Variants in MCTS1 observed in about 807,000 individuals in gnomAD.
MCTS1 encodes MCTS1 re-initiation and release factor, also known as malignant T-cell-amplified sequence 1.
For synonymous variants in MCTS1, 26 were observed against 40.8 expected (o/e 0.64, Z 1.38); for missense variants, 55 against 128.6 (o/e 0.43, Z 2.77).
chrX:120,618,109 T>G lies in MCTS1; in HGVS notation c.*5845T>G, dbSNP rs1421494964. On this transcript the variant is annotated 3_prime_UTR_variant, in exon 6 of 6. Transcript: ENST00000371317. ...GAAACTTGCAAACCAATAAGATGAT[T>G]TAATGATGAAACGGCATGTCAGTTT... Among the ~76,000 whole-genome samples, 2 of 112,665 alleles carry G rather than the reference T, an allele frequency of 1.8e-5. No individual in the cohort carries two copies. Among genetic ancestry groups the G allele is most frequent in the Non-Finnish European group, 1.9e-5 (1 of 53,377 alleles).
At chrX:120,606,236 A>G in intron 3 of MCTS1, 60 bp downstream of exon 3, 1 of 673,428 alleles carries the variant, frequency 1.5e-6, no homozygotes, top group Non-Finnish European at 2.2e-6. Flanking sequence ...TTCAAATGTA[A>G]AGTCTTGTAA....
Position 120,612,705 on chromosome X carries a change from G to A in MCTS1, c.*441G>A, listed in dbSNP as rs974559532. Among the ~76,000 whole-genome samples the A allele has an allele frequency of 4.7e-5, 5 of 107,399 alleles. No homozygotes were observed. The highest frequency in any genetic ancestry group is 6.8e-5 in the African/African-American group (2 of 29,487). 93.3% of individuals were successfully genotyped at this position (107,399 alleles called of 115,157 possible). ...TGTGTGTATGTGTGTGTGTGTGTGTGTGTGTGTTTTGTTGATTGTTTTTTT... is the reference window on the plus strand; with the variant it reads ...TGTGTGTATGTGTGTGTGTGTGTGTATGTGTGTTTTGTTGATTGTTTTTTT... On this transcript the variant is annotated 3_prime_UTR_variant, in exon 6 of 6. Coordinates refer to ENST00000371317, the MANE Select transcript of MCTS1 (RefSeq NM_014060.3).
chrX:120,604,138 C>T lies in MCTS1; in HGVS notation c.-99C>T, dbSNP rs1262741745. On this transcript the variant is annotated 5_prime_UTR_variant, in exon 1 of 6. Transcript: ENST00000371317. ...ACGACTACAGCTCCGACTGTCAGTGCCGGCCTTCCTCGTGTGAGGGGATCT... is the reference window on the plus strand; with the variant it reads ...ACGACTACAGCTCCGACTGTCAGTGTCGGCCTTCCTCGTGTGAGGGGATCT... The T allele has an allele frequency of 5.8e-6, 6 of 1,037,130 alleles. No individual in the cohort carries two copies. The highest frequency in any genetic ancestry group is 4.7e-5 in the Admixed American group (2 of 42,693). The allele number at this position is 1,037,130 out of a possible 1,213,427, so 85.5% of individuals were successfully genotyped here. A position where few individuals can be genotyped will look rare whatever the true frequency, so the allele number is the denominator to read the frequency against.
At position 120,612,168 on chromosome X, in the gene MCTS1, T is replaced by C; in HGVS notation, c.465-15T>C. 1 of 1,155,009 alleles carries C rather than the reference T, an allele frequency of 8.7e-7. No homozygotes were observed. Among genetic ancestry groups the C allele is most frequent in the Non-Finnish European group, 1.2e-6 (1 of 847,725 alleles). On this transcript the variant is annotated splice_polypyrimidine_tract_variant and intron_variant, in intron 5 of 5. Coordinates refer to ENST00000371317, the MANE Select transcript of MCTS1 (RefSeq NM_014060.3). ...TGCATAAAAGTATGTTTATGTGTTT[T>C]TTTTCCTTCTACAGTGAGAAAGTCA...
rs1926861621 is a variant in MCTS1, at chrX:120,616,583, G to A, written c.*4319G>A. 9.0e-6 allele frequency among the ~76,000 whole-genome samples: 1 copy of A among 111,678 alleles called. No individual in the cohort carries two copies. The highest frequency in any genetic ancestry group is 9.6e-5 in the Admixed American group (1 of 10,412). On this transcript the variant is annotated 3_prime_UTR_variant, in exon 6 of 6. Transcript: ENST00000371317. The stretch of plus-strand genomic sequence containing the variant: ...GTTCATCTGTCTGTTTAAGAGTCTG[G>A]CCTTAGGGAATATAATTTATGCATG...
rs2147379029 is a variant in MCTS1 at position 120,618,749 on chromosome X, G to A, written c.*6485G>A. Reference sequence around the variant, plus strand: ...GCTAAAATGTTTGGACATTTATCCTGCATTTATTTTGTGTTTCACAAGGTT... The same window carrying A: ...GCTAAAATGTTTGGACATTTATCCTACATTTATTTTGTGTTTCACAAGGTT... On this transcript the variant is annotated 3_prime_UTR_variant, in exon 6 of 6. Transcript: ENST00000371317. Among the ~76,000 whole-genome samples, 1 of 112,345 alleles carries A rather than the reference G, an allele frequency of 8.9e-6. No homozygotes were observed. Among genetic ancestry groups the A allele is most frequent in the East Asian group, 2.8e-4 (1 of 3,608 alleles).
chrX:120,608,973 C>T (rs185194166), intron 4 of MCTS1, among the ~76,000 whole-genome samples: 4 of 111,749 alleles, frequency 3.6e-5, no homozygotes, highest in African/African-American at 1.3e-4. Flanking sequence ...CCTTAAAGAT[C>T]GATTCAACTC....
chrX:120,620,245 T>G lies in MCTS1; in HGVS notation c.*7981T>G, dbSNP rs1167035616. ...GTGGCATGAACCCGGGAGGCGGAGC[T>G]TGCAGTGAGCTGAGATCGCACCACT... On this transcript the variant is annotated 3_prime_UTR_variant, in exon 6 of 6. Transcript: ENST00000371317. Among the ~76,000 whole-genome samples, 1 of 109,602 alleles carries G rather than the reference T, an allele frequency of 9.1e-6. No individual in the cohort carries two copies. The highest frequency in any genetic ancestry group is 1.9e-5 in the Non-Finnish European group (1 of 52,666).
chrX:120,604,680 G>A, intron 1 of MCTS1: 1 of 1,043,850 alleles, frequency 9.6e-7, no homozygotes, highest in Non-Finnish European at 1.2e-6. Context: ...AGGAGTCTGG[G>A]TGACAGGAAG....
At chrX:120,605,288 A>G (rs775319388) in intron 1 of MCTS1, 119 bp from the exon 2 acceptor site, 50 of 625,664 alleles carry the variant, frequency 8.0e-5, no homozygotes, top group Non-Finnish European at 1.1e-4. Flanking sequence ...AATTTATTTC[A>G]TAATTAAGTA....
intron 1 of MCTS1, 97 bp from the exon 2 acceptor site, chrX:120,605,310 G>T: frequency 1.4e-6 from 1 of 736,581 alleles, no homozygotes; most frequent in South Asian, 3.3e-5. Flanking sequence ...CTAAATACTT[G>T]GTTGGGAATA....
intron 2 of MCTS1, 31 bp downstream of exon 2, chrX:120,605,590 C>T (rs760404100): frequency 8.6e-7 from 1 of 1,160,338 alleles, no homozygotes. Flanking sequence ...GTGTAAAGCT[C>T]GGTATAGCTG....
chrX:120,604,787 A>T (rs1345166121), intron 1 of MCTS1: 4 of 1,128,402 alleles, frequency 3.5e-6, no homozygotes, highest in Non-Finnish European at 4.7e-6. Context: ...GAAGACAAAA[A>T]TTCCTTGGGA....
chrX:120,612,145 C>T (rs1926701506), intron 5 of MCTS1, 38 bp from the exon 6 acceptor site: 1 of 985,369 alleles, frequency 1.0e-6, no homozygotes, highest in African/African-American at 1.9e-5. Context: ...TATAAAAATG[C>T]ATAAAAGTAT....
chrX:120,608,151 C>G (rs995021794), intron 3 of MCTS1, 74 bp from the exon 4 acceptor site: 35 of 779,633 alleles, frequency 4.5e-5, no homozygotes, highest in Non-Finnish European at 6.2e-5. Context: ...TGGGGAAATA[C>G]TGTTCAGATC....
At chrX:120,607,051 C>T (rs1406198107) in intron 3 of MCTS1, among the ~76,000 whole-genome samples, 1 of 105,315 alleles carries the variant, frequency 9.5e-6, no homozygotes, top group African/African-American at 3.5e-5. Flanking sequence ...AAAGCATTGA[C>T]TAAGTGTCCT....
Position 120,612,628 on chromosome X carries a change from A to C in MCTS1, c.*364A>C, listed in dbSNP as rs1034927136. ...GAAACTAGACTAGGAATTTTATTCTATTACTCCAGGGGACCCAGCAGTGCT... is the reference window on the plus strand; with the variant it reads ...GAAACTAGACTAGGAATTTTATTCTCTTACTCCAGGGGACCCAGCAGTGCT... On this transcript the variant is annotated 3_prime_UTR_variant, in exon 6 of 6. Transcript: ENST00000371317. 3 of 143,965 alleles carry C rather than the reference A, an allele frequency of 2.1e-5. No homozygotes were observed. The highest frequency in any genetic ancestry group is 8.7e-5 in the Admixed American group (1 of 11,508). The allele number at this position is 143,965 out of a possible 1,213,427, so 11.9% of individuals were successfully genotyped here.
chrX:120,608,383 T>G, intron 4 of MCTS1, 25 bp downstream of exon 4: 1 of 1,158,298 alleles, frequency 8.6e-7, no homozygotes. Flanking sequence ...CTAAAACTGC[T>G]GAAAAATGTA....
chrX:120,614,208 G>A lies in MCTS1; in HGVS notation c.*1944G>A, dbSNP rs1407949228. On this transcript the variant is annotated 3_prime_UTR_variant, in exon 6 of 6. Coordinates refer to ENST00000371317, the MANE Select transcript of MCTS1 (RefSeq NM_014060.3). ...CCCACTGATGAAACTTGAGAGACTT[G>A]GAGATTCCCCAGTTAGAATATAAAT... Among the ~76,000 whole-genome samples the A allele has an allele frequency of 1.8e-5, 2 of 112,035 alleles. No individual in the cohort carries two copies. The highest frequency in any genetic ancestry group is 6.5e-5 in the African/African-American group (2 of 30,850).
Sources: gnomAD v4.1 joint callset for allele counts (sites outside exome capture counted in the v4.1 genomes callset) on GRCh38, gnomAD v4.1.1 for gene constraint, MANE v1.5 for transcripts, NCBI Gene and HGNC (gene_info 2026-07-23, HGNC 2026-07-21) for gene names.